Variants in THAP10 observed in about 807,000 individuals in gnomAD.
THAP10 encodes the protein THAP domain containing 10, also known as THAP domain-containing protein 10.
In THAP10, 10 loss-of-function variants were observed where a neutral mutation model predicts 15.7. The ratio of observed to expected loss-of-function variants is 0.64; its 90% CI spans 0.39 to 1.08. The LOEUF is 1.08. Among genes scored for constraint, THAP10 ranks in the 50% least tolerant of loss-of-function variants. The pLI is 0.01. For synonymous variants in THAP10, 127 were observed against 129.1 expected, an observed-to-expected ratio of 0.98 and a Z score of 0.11; for missense variants, 310 against 330.9, an observed-to-expected ratio of 0.94 and a Z score of 0.49.
At chr15:70,886,702 C>T (rs2033416483) in intron 1 of THAP10, among the ~76,000 whole-genome samples, 1 of 151,872 alleles carries the variant, frequency 6.6e-6, no homozygotes, top group African/African-American at 2.4e-5. Context: ...CCCATCACTA[C>T]TAAAAATACA....
chr15:70,891,275 G>A (rs2033553863), intron 1 of THAP10, among the ~76,000 whole-genome samples: 1 of 152,158 alleles, frequency 6.6e-6, no homozygotes, highest in Admixed American at 6.5e-5. Flanking sequence ...GGGAAAGTCA[G>A]CTCACTAGGG....
intron 1 of THAP10, 23 bp from the exon 2 acceptor site, chr15:70,882,931 A>C: frequency 6.2e-7 from 1 of 1,613,004 alleles, no homozygotes; most frequent in Non-Finnish European, 8.5e-7. Context: ...ATCAGAGGAG[A>C]AACATATTAA....
At chr15:70,891,788 A>G (rs1347064308) in intron 1 of THAP10, 56 bp downstream of exon 1, 2 of 1,432,710 alleles carry the variant, frequency 1.4e-6, no homozygotes, top group Non-Finnish European at 1.8e-6. Flanking sequence ...CACTAAGTGG[A>G]GGAGCCCAGC....
intron 1 of THAP10, among the ~76,000 whole-genome samples, chr15:70,885,280 A>G (rs1386607199): frequency 6.6e-6 from 1 of 152,222 alleles, no homozygotes; most frequent in Non-Finnish European, 1.5e-5. Flanking sequence ...TAAGATTTAA[A>G]AGTATAACAT....
At position 70,882,244 on chromosome 15, in the gene THAP10, G is replaced by A; in HGVS notation, c.*210C>T. 2.3e-6 allele frequency: 1 copy of A among 430,864 alleles called. No individual in the cohort carries two copies. The highest frequency in any genetic ancestry group is 3.5e-5 in the East Asian group (1 of 28,804). The allele number at this position is 430,864 out of a possible 1,614,324, so 26.7% of individuals were successfully genotyped here. A position where few individuals can be genotyped will look rare whatever the true frequency, so the allele number is the denominator to read the frequency against. On this transcript the variant is annotated 3_prime_UTR_variant, in exon 3 of 3. Coordinates refer to ENST00000249861, the MANE Select transcript of THAP10 (RefSeq NM_020147.4). ...CCAAAAGGATTAAAAGAAAAAAAAA[G>A]GTGAAAGTAGAGAATAGGGATGTTT...
At chr15:70,889,675 T>G (rs1010336770) in intron 1 of THAP10, among the ~76,000 whole-genome samples, 8 of 152,206 alleles carry the variant, frequency 5.3e-5, no homozygotes, top group Non-Finnish European at 8.8e-5. Flanking sequence ...CTTATCTTTT[T>G]GGAAGCCCCC....
rs189111541 is a variant in THAP10, at chr15:70,887,761, C to T, written c.429+4083G>A. Among the ~76,000 whole-genome samples, 130 of 152,068 alleles carry T rather than the reference C, an allele frequency of 8.5e-4. 1 individual carries two copies. The highest frequency in any genetic ancestry group is 1.8e-3 in the Admixed American group (27 of 15,274). ...TCAAGCCAGTGCAACAGGAAGAATA[C>T]GAAATAAAAACACGAATATCAAACG... On this transcript the variant is annotated intron_variant, in intron 1 of 2. Transcript: ENST00000249861.
At position 70,892,250 on chromosome 15, in the gene THAP10, G is replaced by A. The variant is rs752850330; in HGVS notation, c.23C>T (p.Ala8Val). The change falls in exon 1 of 3, where the codon GCC (alanine) becomes GTC (valine). Residue 8 changes from alanine (A) to valine (V), a missense_variant. Physicochemically the swap from Ala to Val is moderately conservative, Grantham distance 64. Transcript: ENST00000249861. The stretch of plus-strand genomic sequence containing the variant: ...AGACTTGGTGGTGTTGCCGCAGTGG[G>A]CGGCCACACAACGGGCCGGCATGGC... MPARCVA[A>V]HCGNTTKSGK... The A allele has an allele frequency of 2.5e-6, 4 of 1,579,990 alleles. No homozygotes were observed. In the African/African-American group the frequency reaches 5.4e-5, roughly 21 times the overall value.
chr15:70,885,519 T>C (rs570650600), intron 1 of THAP10, among the ~76,000 whole-genome samples: 1 of 152,282 alleles, frequency 6.6e-6, no homozygotes, highest in South Asian at 2.1e-4. Flanking sequence ...GGGGTAACCA[T>C]AGGACAGAAT....
In THAP10 at chr15:70,891,902, G is replaced by A. The variant is rs1437781225; in HGVS notation, c.371C>T (p.Ala124Val). The change falls in exon 1 of 3, where the codon GCC becomes GTC. Residue 124 changes from alanine (A) to valine (V), a missense_variant. Physicochemically the swap from Ala to Val is moderately conservative, Grantham distance 64. Transcript: ENST00000249861. ...ELQAARHSEAAPGPVSCTRPR... is the reference protein window; with the variant it reads ...ELQAARHSEAVPGPVSCTRPR... ...GCGTGTACAGGAGACTGGACCTGGGGCAGCCTCAGAATGCCTGGCTGCCTG... is the reference window on the plus strand; with the variant it reads ...GCGTGTACAGGAGACTGGACCTGGGACAGCCTCAGAATGCCTGGCTGCCTG... 3.7e-6 allele frequency: 6 copies of A among 1,613,208 alleles called. No homozygotes were observed. The African/African-American group carries it at 5.3e-5, about 14-fold the overall frequency.
chr15:70,890,384 T>C (rs748517581), intron 1 of THAP10, among the ~76,000 whole-genome samples: 53 of 152,308 alleles, frequency 3.5e-4, no homozygotes, highest in African/African-American at 1.2e-3. Context: ...TGGCAGATAA[T>C]TGAAAATTCA....
At chr15:70,885,942 T>C (rs1163246651) in intron 1 of THAP10, among the ~76,000 whole-genome samples, 1 of 152,176 alleles carries the variant, frequency 6.6e-6, no homozygotes, top group Non-Finnish European at 1.5e-5. Flanking sequence ...GTTACAAGTT[T>C]CAACAAATTT....
At chr15:70,886,685 G>A (rs573370385) in intron 1 of THAP10, among the ~76,000 whole-genome samples, 5 of 152,126 alleles carry the variant, frequency 3.3e-5, no homozygotes, top group Non-Finnish European at 7.4e-5. Context: ...GGCCAAGATG[G>A]TGAAACCCCA....
chr15:70,883,016 T>C, intron 1 of THAP10, 108 bp from the exon 2 acceptor site: 1 of 1,077,856 alleles, frequency 9.3e-7, no homozygotes, highest in Non-Finnish European at 1.3e-6. Context: ...TTCAGTCACA[T>C]ATTAGTAAGG....
intron 1 of THAP10, among the ~76,000 whole-genome samples, chr15:70,888,422 T>C (rs1283211748): frequency 6.6e-6 from 1 of 152,194 alleles, no homozygotes; most frequent in Non-Finnish European, 1.5e-5. Context: ...GAAGAAATGC[T>C]AGTAGTTTCA....
At chr15:70,890,258 A>G (rs1013871564) in intron 1 of THAP10, among the ~76,000 whole-genome samples, 13 of 152,246 alleles carry the variant, frequency 8.5e-5, no homozygotes, top group Admixed American at 3.9e-4. Flanking sequence ...ACACACATAT[A>G]TATGTATGTG....
At chr15:70,891,806 C>A in intron 1 of THAP10, 38 bp downstream of exon 1, 1 of 1,496,390 alleles carries the variant, frequency 6.7e-7, no homozygotes, top group Non-Finnish European at 8.9e-7. Flanking sequence ...AGCCAGAGTC[C>A]AGGGGTCCTT....
In THAP10 at chr15:70,892,057, G is replaced by A. The variant is rs1357217525; in HGVS notation, c.216C>T (p.Asn72=). Residue 72 remains asparagine (N), a synonymous_variant, in exon 1 of 3, where the codon AAC becomes AAT. Coordinates refer to ENST00000249861, the MANE Select transcript of THAP10 (RefSeq NM_020147.4). ...GCCTCAGGCGCTGGGAGAAGCGCAGGTTCTTCTGGATAACCGAAGAGACGT... is the reference window on the plus strand; with the variant it reads ...GCCTCAGGCGCTGGGAGAAGCGCAGATTCTTCTGGATAACCGAAGAGACGT... The part of the protein sequence containing the change: ...CFDVSSVIQK[N]LRFSQRLRLV... The A allele has an allele frequency of 1.2e-6, 2 of 1,613,706 alleles. No individual in the cohort carries two copies. Among genetic ancestry groups the A allele is most frequent in the Non-Finnish European group, 1.7e-6 (2 of 1,179,890 alleles).
intron 1 of THAP10, among the ~76,000 whole-genome samples, chr15:70,883,882 C>T (rs1451480150): frequency 6.6e-6 from 1 of 152,050 alleles, no homozygotes; most frequent in Non-Finnish European, 1.5e-5. Flanking sequence ...TCTCAAACTC[C>T]TGGCCTCAAG....
Sources: gnomAD v4.1 joint callset for allele counts (sites outside exome capture counted in the v4.1 genomes callset) on GRCh38, gnomAD v4.1.1 for gene constraint, MANE v1.5 for transcripts, NCBI Gene and HGNC (gene_info 2026-07-23, HGNC 2026-07-21) for gene names.